PDLIM5: variants seen among roughly 807,000 people sequenced by gnomAD.
PDLIM5 encodes PDZ and LIM domain protein 5.
PDLIM5 carries 34 observed loss-of-function variants against 64.2 expected under a neutral mutation model. That is an observed-to-expected ratio of 0.53 (90% CI 0.40 to 0.71). The LOEUF (loss-of-function observed/expected upper bound fraction) is 0.71, where lower values mean the gene tolerates loss of function less well. PDLIM5 is among the 30% of genes least tolerant of loss of function. The pLI, the probability that PDLIM5 is intolerant of heterozygous loss-of-function variation, is 0.00. For missense variants in PDLIM5, 683 were observed against 733.6 expected (o/e 0.93, Z 0.80); for synonymous variants, 253 against 269.1 (o/e 0.94, Z 0.59).
At chr4:94,485,588 A>AT (rs1342929717) in intron 2 of PDLIM5, among the ~76,000 whole-genome samples, 10 of 152,078 alleles carry the variant, frequency 6.6e-5, no homozygotes, top group African/African-American at 2.4e-4. Context: ...TAATGCCAGC[A>AT]TTTGGGAGGC....
At chr4:94,590,420 T>G (rs1443567077) in intron 7 of PDLIM5, among the ~76,000 whole-genome samples, 1 of 152,226 alleles carries the variant, frequency 6.6e-6, no homozygotes, top group African/African-American at 2.4e-5. Flanking sequence ...TTGCCAGCAT[T>G]CATTCTTTCA....
rs935480135 is a variant in PDLIM5, at chr4:94,582,842, T to A, written c.711-2723T>A. ...TTAGGATTTTCTCATTATAAGAATT[T>A]TCAAAAATGTTAAGGAGCATAAGAA... On this transcript the variant is annotated intron_variant, in intron 5 of 12. Coordinates refer to ENST00000317968, the MANE Select transcript of PDLIM5 (RefSeq NM_006457.5). 1.7e-5 allele frequency: 12 copies of A among 726,824 alleles called. No homozygotes were observed. The African/African-American group carries it at 1.9e-4, about 12-fold the overall frequency. 45.0% of individuals were successfully genotyped at this position (726,824 alleles called of 1,614,324 possible).
chr4:94,616,102 A>T (rs561766445), intron 7 of PDLIM5, among the ~76,000 whole-genome samples: 3 of 152,104 alleles, frequency 2.0e-5, no homozygotes, highest in African/African-American at 7.2e-5. Context: ...TCCAGACTAT[A>T]TATTTTTGTT....
In PDLIM5 at chr4:94,662,508, ACCTGG is replaced by A; in HGVS notation, c.1674_1678del (p.Trp559Ter). ...CATGTTCCTGGAAGCTCTGGGCTAC[ACCTGG>A]CATGACACTTGCTTTGTATGCTCAG... On this transcript the variant is annotated frameshift_variant, in exon 12 of 13. Transcript: ENST00000317968. LOFTEE classifies it high-confidence loss of function. 6.3e-7 allele frequency: 1 copy of A among 1,596,092 alleles called. No individual in the cohort carries two copies. The highest frequency in any genetic ancestry group is 8.6e-7 in the Non-Finnish European group (1 of 1,163,542).
At chr4:94,585,126 T>C (rs1736061582) in intron 5 of PDLIM5, 4 of 593,096 alleles carry the variant, frequency 6.7e-6, no homozygotes, top group Admixed American at 6.6e-5. Context: ...AGTCTCGCTC[T>C]GTTGCCCAGG....
chr4:94,556,494 A>G (rs867216347), intron 3 of PDLIM5, among the ~76,000 whole-genome samples: 7 of 152,158 alleles, frequency 4.6e-5, no homozygotes, highest in African/African-American at 1.7e-4. Context: ...GTCTTCCACA[A>G]TGGTTGAACT....
chr4:94,493,523 C>CCAGG (rs956078501), intron 2 of PDLIM5, among the ~76,000 whole-genome samples: 18 of 151,884 alleles, frequency 1.2e-4, no homozygotes, highest in African/African-American at 4.1e-4. Flanking sequence ...ATCATATTGC[C>CCAGG]CAGGTTAGTC....
intron 8 of PDLIM5, among the ~76,000 whole-genome samples, chr4:94,621,240 T>TA (rs1424388913): frequency 6.6e-6 from 1 of 152,242 alleles, no homozygotes; most frequent in East Asian, 1.9e-4. Context: ...TCTGGACTAC[T>TA]AAAAAACACT....
In PDLIM5 at chr4:94,664,026, A is replaced by T; in HGVS notation, c.1750A>T (p.Lys584Ter). The T allele has an allele frequency of 6.2e-7, 1 of 1,609,026 alleles. No individual in the cohort carries two copies. Reference sequence around the variant, plus strand: ...TCAGACCTTTTTCTCCAAGAAGGACAAGCCCCTGTGTAAGAAACATGCTCA... The same window carrying T: ...TCAGACCTTTTTCTCCAAGAAGGACTAGCCCCTGTGTAAGAAACATGCTCA... Reference protein sequence around the residue: ...EGQTFFSKKDKPLCKKHAHSV... With the variant: ...EGQTFFSKKD Residue 584 changes from lysine to a stop codon, truncating the protein, a stop_gained, in exon 13 of 13, where the codon AAG becomes TAG. Coordinates refer to ENST00000317968, the MANE Select transcript of PDLIM5 (RefSeq NM_006457.5). LOFTEE classifies it high-confidence loss of function.
intron 3 of PDLIM5, among the ~76,000 whole-genome samples, chr4:94,525,914 A>G (rs748663346): frequency 6.6e-6 from 1 of 152,214 alleles, no homozygotes; most frequent in Non-Finnish European, 1.5e-5. Flanking sequence ...TCTGTTCTCT[A>G]TATTGAGACA....
intron 2 of PDLIM5, among the ~76,000 whole-genome samples, chr4:94,483,339 A>G (rs1405968367): frequency 1.3e-5 from 2 of 152,212 alleles, no homozygotes; most frequent in Non-Finnish European, 2.9e-5. Context: ...TATAAATAAT[A>G]TAATAAACCC....
chr4:94,523,742 G>A lies in PDLIM5; in HGVS notation c.115G>A (p.Ala39Thr). The A allele has an allele frequency of 1.2e-6, 2 of 1,612,804 alleles. No individual in the cohort carries two copies. The change falls in exon 3 of 13, where the codon GCA (alanine) becomes ACA (threonine). Residue 39 changes from alanine (A) to threonine (T), a missense_variant. Transcript: ENST00000317968. Reference sequence around the variant, plus strand: ...ATTACAGCTAAAAGATGGCGGCAAGGCAGCCCAGGCAAATGTAAGAATAGG... The same window carrying A: ...ATTACAGCTAAAAGATGGCGGCAAGACAGCCCAGGCAAATGTAAGAATAGG... ...TISSLKDGGKAAQANVRIGDV... is the reference protein window; with the variant it reads ...TISSLKDGGKTAQANVRIGDV...
chr4:94,519,452 C>T (rs918783219), intron 2 of PDLIM5, among the ~76,000 whole-genome samples: 3 of 152,142 alleles, frequency 2.0e-5, no homozygotes, highest in East Asian at 1.9e-4. Context: ...CAAGTAAATT[C>T]GGGTCACACA....
Position 94,585,205 on chromosome 4 carries a change from G to A in PDLIM5, c.711-360G>A, listed in dbSNP as rs192850464. 4.0e-3 allele frequency among the ~76,000 whole-genome samples: 613 copies of A among 151,926 alleles called. 4 individuals carry two copies. The highest frequency in any genetic ancestry group is 0.013 in the African/African-American group (555 of 41,466). On this transcript the variant is annotated intron_variant, in intron 5 of 12. Coordinates refer to ENST00000317968, the MANE Select transcript of PDLIM5 (RefSeq NM_006457.5). The stretch of plus-strand genomic sequence containing the variant: ...TCCCAGGTTCAAGCGATTCTCCTGC[G>A]TCAGCCTCCCCAGTAGCTGGGACTA...
At chr4:94,540,992 T>C (rs540374251) in intron 3 of PDLIM5, among the ~76,000 whole-genome samples, 3 of 152,294 alleles carry the variant, frequency 2.0e-5, no homozygotes, top group Non-Finnish European at 2.9e-5. Flanking sequence ...ATCAGAACGA[T>C]ACAAACTTCT....
intron 1 of PDLIM5, among the ~76,000 whole-genome samples, chr4:94,452,415 C>G (rs915327899): frequency 2.0e-5 from 3 of 152,158 alleles, no homozygotes; most frequent in African/African-American, 7.2e-5. Flanking sequence ...CAGTCCTGCG[C>G]CAGTCTCTTG....
chr4:94,610,958 C>T, intron 7 of PDLIM5: 2 of 747,662 alleles, frequency 2.7e-6, no homozygotes, highest in Non-Finnish European at 4.3e-6. Context: ...TCCTCTCTCT[C>T]CCCACCCTCT....
intron 2 of PDLIM5, among the ~76,000 whole-genome samples, chr4:94,486,484 C>G (rs1726350501): frequency 6.6e-6 from 1 of 152,150 alleles, no homozygotes; most frequent in African/African-American, 2.4e-5. Context: ...CTTTTCATCC[C>G]CTTTTTTCTT....
intron 3 of PDLIM5, among the ~76,000 whole-genome samples, chr4:94,531,462 A>T (rs1730862491): frequency 6.6e-6 from 1 of 152,186 alleles, no homozygotes; most frequent in Non-Finnish European, 1.5e-5. Context: ...GCCACGTTGG[A>T]AGAGGAGTTG....
Sources: gnomAD v4.1 joint callset for allele counts (sites outside exome capture counted in the v4.1 genomes callset) on GRCh38, gnomAD v4.1.1 for gene constraint, MANE v1.5 for transcripts, NCBI Gene and HGNC (gene_info 2026-07-23, HGNC 2026-07-21) for gene names.